The following DOCK3 variants were observed in gnomAD, a reference collection of about 807,000 sequenced individuals.
The protein encoded by DOCK3 is dedicator of cytokinesis 3.
Under a neutral mutation model 265.6 loss-of-function variants are expected in DOCK3, and 60 were observed. That is an observed-to-expected ratio of 0.23 (90% CI 0.18 to 0.28). The LOEUF (loss-of-function observed/expected upper bound fraction) is 0.28. DOCK3 is among the 10% of genes least tolerant of loss of function. The pLI, the probability that DOCK3 is intolerant of heterozygous loss-of-function variation, is 1.00. For missense variants in DOCK3, 1,981 were observed against 2,594.3 expected (o/e 0.76, Z 5.14); for synonymous variants, 881 against 938.0 (o/e 0.94, Z 1.11).
At chr3:51,342,129 A>C (rs181014877) in intron 38 of DOCK3, among the ~76,000 whole-genome samples, 14 of 152,302 alleles carry the variant, frequency 9.2e-5, no homozygotes, top group Non-Finnish European at 1.9e-4. Flanking sequence ...TGAGCCCCCA[A>C]CTCAAATGGA....
chr3:50,998,626 A>G (rs772621707), intron 5 of DOCK3, among the ~76,000 whole-genome samples: 4 of 152,208 alleles, frequency 2.6e-5, no homozygotes, highest in Non-Finnish European at 5.9e-5. Flanking sequence ...AGCATCGTTA[A>G]TATAGCAATA....
chr3:51,109,398 C>G (rs551177236), intron 9 of DOCK3, among the ~76,000 whole-genome samples: 1 of 152,178 alleles, frequency 6.6e-6, no homozygotes, highest in Admixed American at 6.6e-5. Context: ...CTTTATTGCA[C>G]TAAACACTCA....
At chr3:51,150,180 A>G (rs7427006) in intron 10 of DOCK3, among the ~76,000 whole-genome samples, 136,865 of 152,192 alleles carry the variant, frequency 0.9, 61,649 homozygotes, top group East Asian at 0.93. Flanking sequence ...AGGATCGGTG[A>G]CGATATCCCC....
At chr3:51,061,699 A>T (rs200638944) in intron 5 of DOCK3, among the ~76,000 whole-genome samples, 1 of 151,928 alleles carries the variant, frequency 6.6e-6, no homozygotes, top group East Asian at 1.9e-4. Context: ...GTACCCTAAA[A>T]CTTAAAGTAT....
intron 1 of DOCK3, among the ~76,000 whole-genome samples, chr3:50,687,308 A>G (rs527259007): frequency 6.6e-5 from 10 of 152,134 alleles, no homozygotes; most frequent in Non-Finnish European, 1.3e-4. Flanking sequence ...CAGCCACTTT[A>G]TCTGGTGATT....
chr3:50,751,389 A>G (rs762377301), intron 1 of DOCK3, among the ~76,000 whole-genome samples: 1 of 152,042 alleles, frequency 6.6e-6, no homozygotes, highest in Non-Finnish European at 1.5e-5. Context: ...CCCTGCATGC[A>G]TCAGGTATTT....
chr3:51,048,185 TAAA>T (rs55800035), intron 5 of DOCK3, among the ~76,000 whole-genome samples: 1 of 149,392 alleles, frequency 6.7e-6, no homozygotes, highest in African/African-American at 2.5e-5. Context: ...CCTTTCATGA[TAAA>T]AAAAAAAAAC....
chr3:51,135,508 T>C (rs962800836), intron 9 of DOCK3, among the ~76,000 whole-genome samples: 1 of 152,182 alleles, frequency 6.6e-6, no homozygotes, highest in African/African-American at 2.4e-5. Flanking sequence ...GTCCTTAAAA[T>C]TATAGATTCC....
chr3:51,330,251 A>T (rs376891819), intron 33 of DOCK3, 28 bp downstream of exon 33: 33 of 1,560,260 alleles, frequency 2.1e-5, no homozygotes, highest in Admixed American at 1.1e-4. Flanking sequence ...CAGGCACACC[A>T]CACTGGGGGA....
rs534201953 is a variant in DOCK3 at position 50,769,409 on chromosome 3, C to G, written c.38-9266C>G. 2.6e-5 allele frequency among the ~76,000 whole-genome samples: 4 copies of G among 152,238 alleles called. No homozygotes were observed. The East Asian group carries it at 5.8e-4, about 22-fold the overall frequency. ...TCAGCACAATAAAGTCCATATATGA[C>G]AAACCCATAGCTAACATCATACTGA... is the stretch of plus-strand genomic sequence containing the variant. On this transcript the variant is annotated intron_variant, in intron 1 of 52. Transcript: ENST00000266037.
intron 5 of DOCK3, among the ~76,000 whole-genome samples, chr3:51,014,644 C>T (rs1001303554): frequency 7.2e-5 from 11 of 151,968 alleles, no homozygotes; most frequent in Admixed American, 1.3e-4. Context: ...GTGTCTTTTG[C>T]GGTTCCATAC....
intron 26 of DOCK3, chr3:51,278,117 G>T: frequency 2.0e-6 from 2 of 985,340 alleles, no homozygotes; most frequent in Non-Finnish European, 2.4e-6. Flanking sequence ...CCTCATACAG[G>T]TTCTCCTAAA....
chr3:50,984,021 C>G (rs1442695311), intron 5 of DOCK3, among the ~76,000 whole-genome samples: 1 of 152,180 alleles, frequency 6.6e-6, no homozygotes, highest in East Asian at 1.9e-4. Context: ...AGCCGGCAGC[C>G]TGCCGTGCTG....
rs76847536 is a variant in DOCK3 at position 50,761,059 on chromosome 3, C to T, written c.38-17616C>T. ...CTTCCCAAAGTGCTGGGATTACAGG[C>T]GTGAGCCACCGCACCTGGATGGATT... On this transcript the variant is annotated intron_variant, in intron 1 of 52. Coordinates refer to ENST00000266037, the MANE Select transcript of DOCK3 (RefSeq NM_004947.5). 9.3e-4 allele frequency among the ~76,000 whole-genome samples: 141 copies of T among 151,932 alleles called. 5 individuals are homozygous for T. The East Asian group carries it at 0.024, about 26-fold the overall frequency.
intron 32 of DOCK3, among the ~76,000 whole-genome samples, chr3:51,316,876 T>C (rs1161819797): frequency 2.0e-5 from 3 of 152,220 alleles, no homozygotes. Flanking sequence ...GAGCATATGA[T>C]TTACAGATAT....
At chr3:50,955,437 A>G (rs1371011849) in intron 5 of DOCK3, among the ~76,000 whole-genome samples, 1 of 152,198 alleles carries the variant, frequency 6.6e-6, no homozygotes, top group East Asian at 1.9e-4. Context: ...ATCAACCTAA[A>G]TGCTCATCAA....
intron 2 of DOCK3, among the ~76,000 whole-genome samples, chr3:50,840,731 G>A (rs1384286609): frequency 1.3e-5 from 2 of 152,166 alleles, no homozygotes; most frequent in Non-Finnish European, 1.5e-5. Context: ...ACATTGGTAA[G>A]TTATCACCAT....
intron 2 of DOCK3, among the ~76,000 whole-genome samples, chr3:50,836,036 C>T (rs766402779): frequency 6.6e-6 from 1 of 152,186 alleles, no homozygotes; most frequent in Non-Finnish European, 1.5e-5. Flanking sequence ...TTATTACACA[C>T]CAAAATTCTC....
At chr3:50,892,762 G>T (rs2048701464) in intron 4 of DOCK3, among the ~76,000 whole-genome samples, 1 of 152,088 alleles carries the variant, frequency 6.6e-6, no homozygotes, top group Non-Finnish European at 1.5e-5. Context: ...ATTTCTGCAG[G>T]AGGGAGGGTG....
Sources: allele counts gnomAD v4.1 joint callset (sites outside exome capture counted in the v4.1 genomes callset), GRCh38; gene constraint gnomAD v4.1.1; transcripts MANE v1.5; gene names NCBI Gene and HGNC (gene_info 2026-07-23, HGNC 2026-07-21).